HMGCLL1: variants seen among roughly 807,000 people sequenced by gnomAD.
The protein encoded by HMGCLL1 is 3-hydroxy-3-methylglutaryl-CoA lyase like 1.
In HMGCLL1, 36 loss-of-function variants were observed where a neutral mutation model predicts 39.1. That is an observed-to-expected ratio of 0.92 (90% CI 0.71 to 1.22). The LOEUF (loss-of-function observed/expected upper bound fraction) is 1.22. HMGCLL1 is among the 50% of genes most tolerant of loss of function. HMGCLL1 has a pLI of 0.00. For synonymous variants in HMGCLL1, 149 were observed against 144.0 expected (o/e 1.03, Z -0.25); for missense variants, 451 against 416.5 (o/e 1.08, Z -0.72).
At chr6:55,653,459 A>G in the HMGCLL1 span, among the ~76,000 whole-genome samples, 3 of 152,106 alleles carry the variant, frequency 2.0e-5, no homozygotes, top group Non-Finnish European at 4.4e-5. Flanking sequence ...TACATTTTTT[A>G]TTACCAAAAG....
At chr6:55,545,218 A>C (rs1358151603) in intron 1 of HMGCLL1, among the ~76,000 whole-genome samples, 1 of 46,584 alleles carries the variant, frequency 2.1e-5, no homozygotes, top group African/African-American at 7.4e-5. Context: ...TTGCCAAAAA[A>C]AAAAAAAAAA....
chr6:55,660,979 G>C, the HMGCLL1 span, among the ~76,000 whole-genome samples: 1 of 151,766 alleles, frequency 6.6e-6, no homozygotes, highest in African/African-American at 2.4e-5. Flanking sequence ...ATATTGAGCT[G>C]TTTTCCATTT....
intron 8 of HMGCLL1, among the ~76,000 whole-genome samples, chr6:55,437,524 G>A (rs1025560244): frequency 6.6e-6 from 1 of 151,952 alleles, no homozygotes; most frequent in African/African-American, 2.4e-5. Flanking sequence ...GATATATGGG[G>A]CACTGTATGC....
chr6:55,582,220 A>T (rs770395782), upstream of HMGCLL1, among the ~76,000 whole-genome samples: 4 of 152,194 alleles, frequency 2.6e-5, no homozygotes, highest in Admixed American at 1.3e-4. Context: ...CATGTGTAAA[A>T]GGGTGACAAT....
At chr6:55,451,650 C>G (rs979274441) in intron 7 of HMGCLL1, among the ~76,000 whole-genome samples, 3 of 152,098 alleles carry the variant, frequency 2.0e-5, no homozygotes, top group Non-Finnish European at 4.4e-5. Flanking sequence ...AGAACTTAGG[C>G]CTTTCTGTTC....
intron 1 of HMGCLL1, among the ~76,000 whole-genome samples, chr6:55,565,955 G>C (rs1180229622): frequency 6.6e-6 from 1 of 152,012 alleles, no homozygotes; most frequent in Non-Finnish European, 1.5e-5. Flanking sequence ...TCTATAAAAT[G>C]CAAGGTTTGA....
intron 1 of HMGCLL1, among the ~76,000 whole-genome samples, chr6:55,558,763 A>T (rs1770797077): frequency 1.3e-5 from 2 of 152,182 alleles, no homozygotes; most frequent in Admixed American, 6.5e-5. Context: ...GTGAAAAAGG[A>T]ACTTTGCTTT....
chr6:55,493,706 C>A (rs1054268177), intron 7 of HMGCLL1, among the ~76,000 whole-genome samples: 1 of 148,518 alleles, frequency 6.7e-6, no homozygotes, highest in South Asian at 2.1e-4. Context: ...AGGATTAGTT[C>A]CTTCTGTTTT....
the HMGCLL1 span, among the ~76,000 whole-genome samples, chr6:55,590,520 G>A: frequency 9.9e-5 from 15 of 152,014 alleles, no homozygotes; most frequent in African/African-American, 3.4e-4. Context: ...AACACTAAAA[G>A]CAATGGCAAC....
the HMGCLL1 span, among the ~76,000 whole-genome samples, chr6:55,604,426 T>C: frequency 2.0e-5 from 3 of 152,178 alleles, no homozygotes; most frequent in African/African-American, 7.2e-5. Flanking sequence ...TAGATTAGAT[T>C]GAATTAACTT....
intron 3 of HMGCLL1, among the ~76,000 whole-genome samples, chr6:55,533,280 C>T (rs1768793582): frequency 6.6e-6 from 1 of 151,282 alleles, no homozygotes; most frequent in South Asian, 2.1e-4. Flanking sequence ...ATTTTAGTAT[C>T]CAAAATATGT....
At chr6:55,622,176 G>A in the HMGCLL1 span, among the ~76,000 whole-genome samples, 1 of 151,970 alleles carries the variant, frequency 6.6e-6, no homozygotes, top group Non-Finnish European at 1.5e-5. Flanking sequence ...TTTTGGTAGA[G>A]TCATTGTTTT....
At chr6:55,491,401 A>G (rs1202043360) in intron 7 of HMGCLL1, among the ~76,000 whole-genome samples, 1 of 152,204 alleles carries the variant, frequency 6.6e-6, no homozygotes, top group African/African-American at 2.4e-5. Flanking sequence ...AAATTAGGTA[A>G]ATAATTTGGT....
chr6:55,650,745 A>G, the HMGCLL1 span, among the ~76,000 whole-genome samples: 3 of 152,174 alleles, frequency 2.0e-5, no homozygotes, highest in East Asian at 5.8e-4. Flanking sequence ...CTGGCACTCA[A>G]ACCACTATAC....
intron 7 of HMGCLL1, 131 bp downstream of exon 7, chr6:55,495,288 A>T: frequency 1.4e-6 from 1 of 703,226 alleles, no homozygotes; most frequent in Non-Finnish European, 2.3e-6. Context: ...CCTGTCATGT[A>T]CAGACACTGG....
chr6:55,639,991 T>C, the HMGCLL1 span, among the ~76,000 whole-genome samples: 1 of 151,932 alleles, frequency 6.6e-6, no homozygotes, highest in East Asian at 1.9e-4. Context: ...GGCAGGAGAA[T>C]AGCTTGAACT....
the HMGCLL1 span, among the ~76,000 whole-genome samples, chr6:55,639,129 G>A: frequency 6.6e-6 from 1 of 151,786 alleles, no homozygotes. Flanking sequence ...ATTTATACTT[G>A]CTGCAAAGAA....
rs756543479 is a variant in HMGCLL1, at chr6:55,514,084, A to G, written c.506T>C (p.Val169Ala). 4 of 1,613,260 alleles carry G rather than the reference A, an allele frequency of 2.5e-6. No homozygotes were observed. In the Admixed American group the frequency reaches 5.0e-5, roughly 20 times the overall value. The change falls in exon 5 of 9, where the codon GTT becomes GCT. Residue 169 changes from valine to alanine, a missense_variant. Coordinates refer to ENST00000274901, the MANE Select transcript of HMGCLL1 (RefSeq NM_001042406.2). ...EESMGKFEEV[V>A]KSARHMNIPA... is the part of the protein sequence containing the mutation. ...AATATTCATGTGTCTTGCAGACTTAACAACCTCCTCAAATTTTCCCATACT... is the reference window on the plus strand; with the variant it reads ...AATATTCATGTGTCTTGCAGACTTAGCAACCTCCTCAAATTTTCCCATACT...
chr6:55,496,533 C>T (rs1233054708), intron 6 of HMGCLL1, among the ~76,000 whole-genome samples: 2 of 152,148 alleles, frequency 1.3e-5, no homozygotes, highest in Admixed American at 1.3e-4. Flanking sequence ...CTAATCATCT[C>T]TGTATGAACA....
Sources: gnomAD v4.1 joint callset for allele counts (sites outside exome capture counted in the v4.1 genomes callset) on GRCh38, gnomAD v4.1.1 for gene constraint, MANE v1.5 for transcripts, NCBI Gene and HGNC (gene_info 2026-07-23, HGNC 2026-07-21) for gene names.